The following STX8 variants were observed in gnomAD, a reference collection of about 807,000 sequenced individuals.
The protein encoded by STX8 is syntaxin 8.
STX8 carries 23 observed loss-of-function variants against 37.5 expected under a neutral mutation model. The observed-to-expected ratio is 0.61, with a 90% CI of 0.44 to 0.87. The LOEUF (loss-of-function observed/expected upper bound fraction) is 0.87. Among genes scored for constraint, STX8 ranks in the 40% least tolerant of loss-of-function variants. STX8 has a pLI of 0.00. For missense variants in STX8, 313 were observed against 284.7 expected, an observed-to-expected ratio of 1.10 and a Z score of -0.71; for synonymous variants, 115 against 99.1, an observed-to-expected ratio of 1.16 and a Z score of -0.95.
chr17:9,431,891 C>A (rs1913998605), intron 6 of STX8, among the ~76,000 whole-genome samples: 1 of 152,122 alleles, frequency 6.6e-6, no homozygotes, highest in African/African-American at 2.4e-5. Context: ...GTTCCTAGGA[C>A]AACATTTTGG....
chr17:9,470,131 A>G (rs1776059225), intron 6 of STX8: 1 of 151,500 alleles, frequency 6.6e-6, no homozygotes, highest in South Asian at 2.1e-4. Flanking sequence ...AAAAATAATA[A>G]AGAGTCCTTA....
At chr17:9,318,548 C>T (rs751302340) in intron 7 of STX8, among the ~76,000 whole-genome samples, 92 of 152,024 alleles carry the variant, frequency 6.1e-4, no homozygotes, top group Non-Finnish European at 1.2e-3. Context: ...AAAGAAAGGC[C>T]CTAAAAGCTT....
intron 3 of STX8, among the ~76,000 whole-genome samples, chr17:9,549,020 A>G (rs1325082140): frequency 2.6e-5 from 4 of 152,198 alleles, no homozygotes; most frequent in Non-Finnish European, 5.9e-5. Context: ...TATGTATAAT[A>G]TAATCCCTTT....
rs145624211 is a variant in STX8, at chr17:9,371,221, A to C, written c.643+7331T>G. 1.5e-3 allele frequency among the ~76,000 whole-genome samples: 228 copies of C among 152,320 alleles called. 1 individual carries two copies. The highest frequency in any genetic ancestry group is 5.3e-3 in the African/African-American group (220 of 41,566). The stretch of plus-strand genomic sequence containing the variant: ...TCGGCCCATCAAGGAAGATATGCCA[A>C]GGGTAGCGAAACAAAAGGCCATTTC... On this transcript the variant is annotated intron_variant, in intron 7 of 7. Coordinates refer to ENST00000306357, the MANE Select transcript of STX8 (RefSeq NM_004853.3).
chr17:9,344,227 T>C (rs1245575306), intron 7 of STX8, among the ~76,000 whole-genome samples: 2 of 150,230 alleles, frequency 1.3e-5, no homozygotes, highest in African/African-American at 4.9e-5. Context: ...GGTAAAATGC[T>C]GTAGGTGGGC....
At chr17:9,349,569 G>GCCT (rs1910639795) in intron 7 of STX8, among the ~76,000 whole-genome samples, 1 of 152,018 alleles carries the variant, frequency 6.6e-6, no homozygotes, top group South Asian at 2.1e-4. Flanking sequence ...CGATCCACCC[G>GCCT]CCTTGGCCTC....
chr17:9,316,540 G>A (rs1244324307), intron 7 of STX8, among the ~76,000 whole-genome samples: 2 of 152,200 alleles, frequency 1.3e-5, no homozygotes, highest in Non-Finnish European at 2.9e-5. Flanking sequence ...CCAGGCTGCT[G>A]ACCATGTGGC....
At chr17:9,303,921 A>T (rs1236847665) in intron 7 of STX8, among the ~76,000 whole-genome samples, 1 of 152,196 alleles carries the variant, frequency 6.6e-6, no homozygotes, top group African/African-American at 2.4e-5. Context: ...GGACGTCATA[A>T]AAGAACAGGT....
chr17:9,292,793 C>T (rs549604050), intron 7 of STX8, among the ~76,000 whole-genome samples: 9 of 152,302 alleles, frequency 5.9e-5, no homozygotes, highest in South Asian at 4.2e-4. Flanking sequence ...GTCTTCCCCT[C>T]GCTGAATGCT....
intron 6 of STX8, among the ~76,000 whole-genome samples, chr17:9,487,278 C>T (rs1906639346): frequency 1.3e-5 from 2 of 152,164 alleles, no homozygotes; most frequent in Admixed American, 1.3e-4. Flanking sequence ...TTGTTTTCCT[C>T]ATTTAATGAA....
intron 6 of STX8, among the ~76,000 whole-genome samples, chr17:9,473,940 C>T (rs1905989688): frequency 6.6e-6 from 1 of 152,156 alleles, no homozygotes; most frequent in Non-Finnish European, 1.5e-5. Flanking sequence ...GCTAGCCATA[C>T]CAATGGCTAG....
At chr17:9,489,851 G>A (rs1906776168) in intron 6 of STX8, among the ~76,000 whole-genome samples, 1 of 152,040 alleles carries the variant, frequency 6.6e-6, no homozygotes, top group Non-Finnish European at 1.5e-5. Flanking sequence ...ACCATGCCTG[G>A]CTAATTTTTT....
At chr17:9,358,365 GA>G (rs34988006) in intron 7 of STX8, among the ~76,000 whole-genome samples, 16,780 of 151,934 alleles carry the variant, frequency 0.11, 967 homozygotes, top group Middle Eastern at 0.18. Flanking sequence ...AAACAGAAGG[GA>G]AAAAAAGGTC....
intron 7 of STX8, among the ~76,000 whole-genome samples, chr17:9,333,710 C>T (rs1012359349): frequency 1.3e-5 from 2 of 152,210 alleles, no homozygotes; most frequent in East Asian, 3.9e-4. Context: ...ATAATAAACA[C>T]TTGCTTCAAG....
chr17:9,337,936 C>T (rs1202817417), intron 7 of STX8, among the ~76,000 whole-genome samples: 1 of 151,356 alleles, frequency 6.6e-6, no homozygotes. Context: ...GTGTGGCCAA[C>T]GGGGAAGGAA....
intron 4 of STX8, among the ~76,000 whole-genome samples, chr17:9,515,918 G>A (rs1207527493): frequency 2.6e-5 from 4 of 152,018 alleles, no homozygotes; most frequent in African/African-American, 7.2e-5. Flanking sequence ...ACGTACCTTC[G>A]AAGAAGGGGG....
At chr17:9,543,808 C>T (rs1171563244) in intron 4 of STX8, among the ~76,000 whole-genome samples, 1 of 152,156 alleles carries the variant, frequency 6.6e-6, no homozygotes, top group Non-Finnish European at 1.5e-5. Flanking sequence ...CAGAGTATCA[C>T]CCCTCCCTAA....
Position 9,447,171 on chromosome 17 carries a change from C to T in STX8, c.541+44658G>A, listed in dbSNP as rs2032945. Among the ~76,000 whole-genome samples the T allele has an allele frequency of 7.3e-3, 1,112 of 152,238 alleles. 40 individuals carry two copies. The highest frequency in any genetic ancestry group is 0.061 in the Admixed American group (929 of 15,284). On this transcript the variant is annotated intron_variant, in intron 6 of 7. Coordinates refer to ENST00000306357, the MANE Select transcript of STX8 (RefSeq NM_004853.3). ...TTGGGGCCTATATTATATTGGCAGTCAATCTAGAAAACTTATAATTACTTT... is the reference window on the plus strand; with the variant it reads ...TTGGGGCCTATATTATATTGGCAGTTAATCTAGAAAACTTATAATTACTTT...
intron 6 of STX8, among the ~76,000 whole-genome samples, chr17:9,402,842 G>A (rs1289379006): frequency 2.0e-5 from 3 of 152,190 alleles, no homozygotes; most frequent in African/African-American, 7.2e-5. Flanking sequence ...CTGGGTGCTT[G>A]TGTGTTTTTC....
Sources: gnomAD v4.1 joint callset for allele counts (sites outside exome capture counted in the v4.1 genomes callset) on GRCh38, gnomAD v4.1.1 for gene constraint, MANE v1.5 for transcripts, NCBI Gene and HGNC (gene_info 2026-07-23, HGNC 2026-07-21) for gene names.